NECAB1: variants seen among roughly 807,000 people sequenced by gnomAD.
NECAB1 encodes the protein N-terminal EF-hand calcium binding protein 1, also known as N-terminal EF-hand calcium-binding protein 1.
A neutral mutation model predicts 57.5 loss-of-function variants in NECAB1; 29 were observed. That is an observed-to-expected ratio of 0.50 (90% CI 0.38 to 0.69). The LOEUF is 0.69. Among genes scored for constraint, NECAB1 ranks in the 30% least tolerant of loss-of-function variants. The probability of loss-of-function intolerance (pLI) is 0.00; values close to 1 mark genes in which losing one functional copy is unlikely to be tolerated. For missense variants in NECAB1, 372 were observed against 413.8 expected, an observed-to-expected ratio of 0.90 and a Z score of 0.88; for synonymous variants, 142 against 147.7, an observed-to-expected ratio of 0.96 and a Z score of 0.28.
At chr8:90,858,264 C>A (rs532041734) in intron 3 of NECAB1, among the ~76,000 whole-genome samples, 25 of 152,026 alleles carry the variant, frequency 1.6e-4, no homozygotes, top group Non-Finnish European at 3.2e-4. Flanking sequence ...GACACTGAAG[C>A]CTGTTGCCAA....
intron 3 of NECAB1, among the ~76,000 whole-genome samples, chr8:90,845,527 AT>A (rs764551580): frequency 1.3e-5 from 2 of 152,240 alleles, no homozygotes; most frequent in Non-Finnish European, 2.9e-5. Flanking sequence ...TTCAAAAAAA[AT>A]AAAGCCTCTT....
intron 5 of NECAB1, among the ~76,000 whole-genome samples, chr8:90,906,874 C>CATATATATATATATATATAT (rs1290352726): frequency 1.6e-4 from 7 of 42,640 alleles, no homozygotes; most frequent in African/African-American, 1.1e-3. Flanking sequence ...ATATGATATA[C>CATATATATATATATATATAT]ACATATATAT....
chr8:90,817,696 T>C (rs140897372), intron 2 of NECAB1, among the ~76,000 whole-genome samples: 1 of 151,954 alleles, frequency 6.6e-6, no homozygotes, highest in East Asian at 1.9e-4. Context: ...TTAAGCATTG[T>C]TGGATTTGAT....
At chr8:90,937,914 T>C (rs762198962) in intron 9 of NECAB1, among the ~76,000 whole-genome samples, 15 of 152,294 alleles carry the variant, frequency 9.8e-5, no homozygotes, top group Non-Finnish European at 1.9e-4. Context: ...TCTCAAGTAA[T>C]GTAACAGCGA....
chr8:90,805,889 T>C (rs1010469637), intron 2 of NECAB1, among the ~76,000 whole-genome samples: 11 of 152,262 alleles, frequency 7.2e-5, no homozygotes, highest in African/African-American at 2.6e-4. Context: ...CCCCAGAACT[T>C]GTTCATCTTA....
intron 3 of NECAB1, among the ~76,000 whole-genome samples, chr8:90,831,803 C>T (rs1372838328): frequency 6.6e-6 from 1 of 152,106 alleles, no homozygotes; most frequent in African/African-American, 2.4e-5. Flanking sequence ...TTCTCCTTAG[C>T]CTTTCTCTGT....
chr8:90,812,531 C>T (rs1293750210), intron 2 of NECAB1: 2 of 152,032 alleles, frequency 1.3e-5, no homozygotes, highest in Non-Finnish European at 2.9e-5. Flanking sequence ...TTCATTTTCC[C>T]AGCACATTTC....
chr8:90,862,199 A>G (rs1288790719), intron 3 of NECAB1, among the ~76,000 whole-genome samples: 1 of 152,214 alleles, frequency 6.6e-6, no homozygotes, highest in Admixed American at 6.6e-5. Context: ...AACAAAATAT[A>G]GAATATCCTG....
chr8:90,900,191 C>T (rs1246378668), intron 5 of NECAB1, among the ~76,000 whole-genome samples: 1 of 152,120 alleles, frequency 6.6e-6, no homozygotes, highest in African/African-American at 2.4e-5. Context: ...TCTTTATATA[C>T]CAATATGGGA....
chr8:90,880,965 GTTGA>G (rs920136718), intron 4 of NECAB1, 64 bp from the exon 5 acceptor site: 2 of 1,141,484 alleles, frequency 1.8e-6, no homozygotes, highest in African/African-American at 3.1e-5. Context: ...TAAATAATTA[GTTGA>G]TTTTTTTGTT....
intron 9 of NECAB1, chr8:90,940,421 C>T (rs1042956583): frequency 5.6e-6 from 1 of 178,718 alleles, no homozygotes; most frequent in East Asian, 1.4e-4. Context: ...CCCAGCTCTG[C>T]CTGCACAATA....
intron 10 of NECAB1, among the ~76,000 whole-genome samples, chr8:90,949,512 C>T (rs1282089456): frequency 1.3e-5 from 2 of 152,068 alleles, no homozygotes; most frequent in Non-Finnish European, 2.9e-5. Flanking sequence ...AATGAATGAA[C>T]ACAATTTTGC....
At chr8:90,817,765 G>T (rs1409393017) in intron 2 of NECAB1, among the ~76,000 whole-genome samples, 1 of 151,602 alleles carries the variant, frequency 6.6e-6, no homozygotes, top group Non-Finnish European at 1.5e-5. Flanking sequence ...TTGCTCTGTT[G>T]TTTTCCTTTT....
chr8:90,843,089 C>T (rs1000370451), intron 3 of NECAB1, among the ~76,000 whole-genome samples: 1 of 152,144 alleles, frequency 6.6e-6, no homozygotes, highest in South Asian at 2.1e-4. Context: ...GCACATCCTA[C>T]ATGGCAGCAG....
chr8:90,915,214 A>G (rs936805161), intron 5 of NECAB1, among the ~76,000 whole-genome samples: 2 of 152,106 alleles, frequency 1.3e-5, no homozygotes, highest in East Asian at 3.9e-4. Context: ...CATTTTAATA[A>G]ATTTTATTTT....
chr8:90,881,900 G>A (rs182355837), intron 5 of NECAB1, among the ~76,000 whole-genome samples: 1 of 152,266 alleles, frequency 6.6e-6, no homozygotes, highest in African/African-American at 2.4e-5. Context: ...TGGTAGAGCT[G>A]GACAAAGGAG....
chr8:90,875,969 C>T (rs1383029473), intron 4 of NECAB1, among the ~76,000 whole-genome samples: 1 of 151,842 alleles, frequency 6.6e-6, no homozygotes, highest in African/African-American at 2.4e-5. Flanking sequence ...GAGATCAGGC[C>T]ACTGCACTCC....
At chr8:90,948,474 C>T (rs1586151237) in intron 10 of NECAB1, among the ~76,000 whole-genome samples, 1 of 152,164 alleles carries the variant, frequency 6.6e-6, no homozygotes, top group Non-Finnish European at 1.5e-5. Context: ...CTGCTGGTCA[C>T]ACTTAGGTAA....
chr8:90,825,136 T>C (rs1419368060), intron 3 of NECAB1: 1 of 165,602 alleles, frequency 6.0e-6, no homozygotes, highest in Non-Finnish European at 1.3e-5. Flanking sequence ...AGTAGAATTT[T>C]ACCTTGTTAT....
Sources: allele counts gnomAD v4.1 joint callset (sites outside exome capture counted in the v4.1 genomes callset), GRCh38; gene constraint gnomAD v4.1.1; transcripts MANE v1.5; gene names NCBI Gene and HGNC (gene_info 2026-07-23, HGNC 2026-07-21).